Variants in NOXA1 observed in about 807,000 individuals in gnomAD.
NOXA1 encodes the protein NADPH oxidase activator 1.
A neutral mutation model predicts 64.8 loss-of-function variants in NOXA1; 56 were observed. That is an observed-to-expected ratio of 0.86 (90% CI 0.70 to 1.08). The LOEUF is 1.08. Among genes scored for constraint, NOXA1 ranks in the 50% least tolerant of loss-of-function variants. NOXA1 has a pLI of 0.00. For synonymous variants in NOXA1, 295 were observed against 294.8 expected (o/e 1.00, Z -0.01); for missense variants, 668 against 658.5 (o/e 1.01, Z -0.16).
At chr9:137,432,991 G>T in intron 8 of NOXA1, 38 bp from the exon 9 acceptor site, 1 of 1,610,752 alleles carries the variant, frequency 6.2e-7, no homozygotes, top group East Asian at 2.2e-5. Flanking sequence ...TCCAGCACCT[G>T]ACCGCCCCAG....
intron 11 of NOXA1, 34 bp from the exon 12 acceptor site, chr9:137,433,716 C>T: frequency 6.8e-7 from 1 of 1,470,984 alleles, no homozygotes; most frequent in South Asian, 1.4e-5. Flanking sequence ...GCAGGCCCCA[C>T]CCAGGAGGCC....
In NOXA1 at chr9:137,428,774, T is replaced by C. The variant is rs1174789883; in HGVS notation, c.370-108T>C. The stretch of plus-strand genomic sequence containing the variant: ...TGGGGGAGGGGCCAGGTGGGGGGAC[T>C]GGGGGAGGGGCTGGGTGGGCAGACC... On this transcript the variant is annotated intron_variant, in intron 3 of 13. Coordinates refer to ENST00000683555, the MANE Select transcript of NOXA1 (RefSeq NM_001256067.2). 1.8e-5 allele frequency: 14 copies of C among 786,906 alleles called. No homozygotes were observed. The East Asian group carries it at 4.0e-4, about 23-fold the overall frequency. The allele number at this position is 786,906 out of a possible 1,614,324, so 48.7% of individuals were successfully genotyped here. A position where few individuals can be genotyped will look rare whatever the true frequency, so the allele number is the denominator to read the frequency against.
chr9:137,427,097 T>G (rs1192371042), intron 2 of NOXA1, among the ~76,000 whole-genome samples: 1 of 152,238 alleles, frequency 6.6e-6, no homozygotes, highest in Admixed American at 6.5e-5. Flanking sequence ...TCGCCCAGCC[T>G]ATTTACATAT....
chr9:137,432,051 G>A (rs1839130358), intron 8 of NOXA1, among the ~76,000 whole-genome samples: 1 of 152,202 alleles, frequency 6.6e-6, no homozygotes, highest in Admixed American at 6.5e-5. Context: ...TATTTGCCCA[G>A]TTCCCACGAT....
Position 137,434,101 on chromosome 9 carries a change from C to A in NOXA1, c.1294+22C>A, listed in dbSNP as rs761211486. ...GAAGGTAGGGTGGGCATGGCCCTTCCCAGGCAGCACCGTGGTGCCCGGGGT... is the reference window on the plus strand; with the variant it reads ...GAAGGTAGGGTGGGCATGGCCCTTCACAGGCAGCACCGTGGTGCCCGGGGT... On this transcript the variant is annotated intron_variant, in intron 13 of 13. Transcript: ENST00000683555. The A allele has an allele frequency of 2.5e-6, 4 of 1,582,962 alleles. No individual in the cohort carries two copies. In the African/African-American group the frequency reaches 5.4e-5, roughly 21 times the overall value.
rs182457004 is a variant in NOXA1, at chr9:137,431,937, G to A, written c.804+596G>A. Among the ~76,000 whole-genome samples the A allele has an allele frequency of 8.3e-4, 126 of 152,208 alleles. No individual in the cohort carries two copies. The highest frequency in any genetic ancestry group is 2.8e-3 in the African/African-American group (116 of 41,496). ...GAGGATGCGATCAGGAAGCAGCCCC[G>A]GCACTCTCTCTTTATGGATGCCCAC... On this transcript the variant is annotated intron_variant, in intron 8 of 13. Transcript: ENST00000683555. This position sits in a 1 kb window ranked among gnomAD's most constrained non-coding sequence, Gnocchi z 5.6.
chr9:137,430,937 A>T, intron 6 of NOXA1, 94 bp downstream of exon 6: 1 of 1,556,932 alleles, frequency 6.4e-7, no homozygotes, highest in Non-Finnish European at 8.7e-7. Context: ...TGGGGCTGCG[A>T]AGTTCCTCTG....
intron 1 of NOXA1, 101 bp downstream of exon 1, chr9:137,423,807 G>T (rs765266980): frequency 4.0e-6 from 4 of 1,010,328 alleles, no homozygotes; most frequent in Non-Finnish European, 3.8e-6. Context: ...TCGCCCTGCC[G>T]CCCCCGACCC....
chr9:137,425,191 C>T (rs764293275), intron 1 of NOXA1, among the ~76,000 whole-genome samples: 4 of 152,142 alleles, frequency 2.6e-5, no homozygotes, highest in Non-Finnish European at 4.4e-5. Context: ...TGAAAGAGAC[C>T]GTAGCACCCT....
rs140384033 is a variant in NOXA1 at position 137,428,947 on chromosome 9, A to G, written c.435A>G (p.Leu145=). The G allele has an allele frequency of 4.9e-5, 78 of 1,598,798 alleles. No homozygotes were observed. The African/African-American group carries it at 9.2e-4, about 19-fold the overall frequency. ...LGLWTEAASS[L]REAMSKWPEG... ...TCTGGACAGAGGCGGCCAGCAGCCT[A>G]AGGGAGGCCATGTCCAAGTGGCCGG... Residue 145 remains leucine, a synonymous_variant, in exon 4 of 14, where the codon CTA becomes CTG. Coordinates refer to ENST00000683555, the MANE Select transcript of NOXA1 (RefSeq NM_001256067.2).
At chr9:137,432,567 G>A (rs921711952) in intron 8 of NOXA1, among the ~76,000 whole-genome samples, 2 of 152,204 alleles carry the variant, frequency 1.3e-5, no homozygotes, top group African/African-American at 4.8e-5. Context: ...GCGACAGAGC[G>A]AGACTCCCTC....
chr9:137,429,146 G>C (rs1838975836), intron 4 of NOXA1, 130 bp downstream of exon 4: 1 of 1,370,570 alleles, frequency 7.3e-7, no homozygotes, highest in Non-Finnish European at 9.7e-7. Context: ...CCAGGCGGGG[G>C]CTTCCTGTGA....
In NOXA1 at chr9:137,431,584, C is replaced by G. The variant is rs529797059; in HGVS notation, c.804+243C>G. Among the ~76,000 whole-genome samples the G allele has an allele frequency of 6.6e-6, 1 of 152,200 alleles. No individual in the cohort carries two copies. Among genetic ancestry groups the G allele is most frequent in the Non-Finnish European group, 1.5e-5 (1 of 68,002 alleles). ...AGGTGGTGTCCAGTGGAGACATCCA[C>G]GTAGCCCTGCAGGCCCTCAGCCCCC... is the stretch of plus-strand genomic sequence containing the variant. On this transcript the variant is annotated intron_variant, in intron 8 of 13. Transcript: ENST00000683555. This position sits in a 1 kb window ranked among gnomAD's most constrained non-coding sequence, Gnocchi z 5.6.
chr9:137,432,621 G>T (rs890149178), intron 8 of NOXA1, among the ~76,000 whole-genome samples: 1 of 152,234 alleles, frequency 6.6e-6, no homozygotes, highest in African/African-American at 2.4e-5. Flanking sequence ...TCTAGCCAGC[G>T]CTGGGCTGTG....
chr9:137,427,687 GC>G (rs1056235288), intron 2 of NOXA1, among the ~76,000 whole-genome samples: 9 of 152,220 alleles, frequency 5.9e-5, no homozygotes, highest in African/African-American at 2.2e-4. Context: ...TGGAGGGGGA[GC>G]CCCCATGGGG....
chr9:137,423,577 G>A lies in NOXA1; in HGVS notation c.48G>A (p.Gln16=). ...DLVRAWHLGA[Q]AVDRGDWARA... is the part of the protein sequence containing the mutation. ...TGCGCGCCTGGCACCTGGGCGCGCA[G>A]GCTGTGGATCGTGGGGACTGGGCCC... The change falls in exon 1 of 14, where the codon CAG becomes CAA. Residue 16 remains glutamine (Q), a synonymous_variant. Coordinates refer to ENST00000683555, the MANE Select transcript of NOXA1 (RefSeq NM_001256067.2). 1 of 1,477,240 alleles carries A rather than the reference G, an allele frequency of 6.8e-7. No individual in the cohort carries two copies. The highest frequency in any genetic ancestry group is 9.0e-7 in the Non-Finnish European group (1 of 1,114,260). 91.5% of individuals were successfully genotyped at this position (1,477,240 alleles called of 1,614,324 possible).
chr9:137,431,346 G>A lies in NOXA1; in HGVS notation c.804+5G>A, dbSNP rs762182494. ...TCGACTGCCTACCAGGAGCAGGTGCGTGGGCCTGGGCCTCTTCCCCTGCTG... is the reference window on the plus strand; with the variant it reads ...TCGACTGCCTACCAGGAGCAGGTGCATGGGCCTGGGCCTCTTCCCCTGCTG... On this transcript the variant is annotated splice_donor_5th_base_variant and intron_variant, in intron 8 of 13. Transcript: ENST00000683555. The surrounding 1 kb of genome is among the most constrained non-coding windows in gnomAD (Gnocchi z 5.6). 2.1e-5 allele frequency: 34 copies of A among 1,603,150 alleles called. No individual in the cohort carries two copies. Among genetic ancestry groups the A allele is most frequent in the African/African-American group, 5.3e-5 (4 of 74,990 alleles).
chr9:137,427,893 A>C (rs991907690), intron 2 of NOXA1, 140 bp from the exon 3 acceptor site: 4 of 620,520 alleles, frequency 6.4e-6, no homozygotes, highest in African/African-American at 1.8e-5. Context: ...GAGTGTGCAG[A>C]CCTAGGCACC....
At chr9:137,426,444 C>G in intron 2 of NOXA1, 114 bp downstream of exon 2, 1 of 909,406 alleles carries the variant, frequency 1.1e-6, no homozygotes, top group Non-Finnish European at 1.8e-6. Context: ...TGCCCACCCC[C>G]TCCTCCATGG....
Sources: gnomAD v4.1 joint callset for allele counts (sites outside exome capture counted in the v4.1 genomes callset) on GRCh38, gnomAD v4.1.1 for gene constraint, Gnocchi (gnomAD v3.1) non-coding constraint, MANE v1.5 for transcripts, NCBI Gene and HGNC (gene_info 2026-07-23, HGNC 2026-07-21) for gene names.